Variants in STK4 observed in about 807,000 individuals in gnomAD.
STK4 encodes the protein serine/threonine-protein kinase 4.
A neutral mutation model predicts 64.9 loss-of-function variants in STK4; 30 were observed. The observed-to-expected ratio is 0.46, with a 90% CI of 0.35 to 0.63. STK4 has a LOEUF of 0.63. STK4 is among the 20% of genes least tolerant of loss of function. The pLI is 0.01. For synonymous variants in STK4, 177 were observed against 199.0 expected (o/e 0.89, Z 0.93); for missense variants, 466 against 598.5 (o/e 0.78, Z 2.31).
At chr20:45,005,014 G>A (rs1001123298) in intron 9 of STK4, among the ~76,000 whole-genome samples, 2 of 151,238 alleles carry the variant, frequency 1.3e-5, no homozygotes, top group Non-Finnish European at 3.0e-5. Flanking sequence ...CTCGTAATCC[G>A]CCCGCCTTGG....
intron 2 of STK4, chr20:44,972,655 A>C (rs1321105317): frequency 2.6e-5 from 4 of 152,488 alleles, no homozygotes; most frequent in Non-Finnish European, 5.9e-5. Context: ...ATGCGTTTAT[A>C]AAATACTGAT....
chr20:45,010,190 T>A (rs114849245), intron 9 of STK4, among the ~76,000 whole-genome samples: 6 of 152,216 alleles, frequency 3.9e-5, no homozygotes, highest in African/African-American at 1.4e-4. Context: ...TGTCTCAGCC[T>A]CCTGAGATTG....
intron 5 of STK4, among the ~76,000 whole-genome samples, chr20:44,994,303 T>C (rs994123858): frequency 4.0e-5 from 6 of 151,460 alleles, no homozygotes; most frequent in Non-Finnish European, 7.4e-5. Context: ...ACTCCAGATT[T>C]TTTGTGCTAT....
intron 9 of STK4, among the ~76,000 whole-genome samples, chr20:45,010,420 T>C (rs1481226479): frequency 6.6e-6 from 1 of 152,228 alleles, no homozygotes; most frequent in Non-Finnish European, 1.5e-5. Flanking sequence ...ATAGATGTTA[T>C]AACTGCTAAT....
At chr20:45,016,751 T>C (rs191868937) in intron 9 of STK4, among the ~76,000 whole-genome samples, 1 of 152,294 alleles carries the variant, frequency 6.6e-6, no homozygotes, top group Non-Finnish European at 1.5e-5. Context: ...ATAGTTATAT[T>C]GGTAAAAGGA....
intron 10 of STK4, among the ~76,000 whole-genome samples, chr20:45,033,893 G>A (rs900186298): frequency 1.2e-4 from 18 of 151,864 alleles, no homozygotes; most frequent in African/African-American, 3.9e-4. Context: ...GTTTGAAAGG[G>A]TTAAAAAAGA....
chr20:45,018,907 A>T (rs889599440), intron 9 of STK4, among the ~76,000 whole-genome samples: 49 of 151,862 alleles, frequency 3.2e-4, no homozygotes, highest in Non-Finnish European at 4.7e-4. Flanking sequence ...TAAAAAAAAA[A>T]TTTTTGTAGA....
At chr20:44,974,761 G>A (rs377526317) in intron 2 of STK4, 1 of 152,312 alleles carries the variant, frequency 6.6e-6, no homozygotes, top group South Asian at 2.1e-4. Context: ...GAGCCACCAC[G>A]CCTGGCCAAT....
Position 45,025,145 on chromosome 20 carries a change from A to G in STK4, c.1305+15A>G, listed in dbSNP as rs2068322704. On this transcript the variant is annotated intron_variant, in intron 10 of 10. Coordinates refer to ENST00000372806, the MANE Select transcript of STK4 (RefSeq NM_006282.5). ...ACTACGAGTTTGTAAGTAGTGTTGG[A>G]AGTAAATGGTTATGTCTTCAGGGGA... The G allele has an allele frequency of 6.3e-7, 1 of 1,598,982 alleles. No individual in the cohort carries two copies. Among genetic ancestry groups the G allele is most frequent in the Admixed American group, 1.7e-5 (1 of 57,184 alleles).
chr20:45,065,095 G>T lies in STK4; in HGVS notation c.1306-9923G>T, dbSNP rs115062274. ...GTTTGCTGTGGGTTTTTAGTAAATG[G>T]GTATTACTATTTTGAAGTAGTTTCT... On this transcript the variant is annotated intron_variant, in intron 10 of 10. Coordinates refer to ENST00000372806, the MANE Select transcript of STK4 (RefSeq NM_006282.5). 3.7e-3 allele frequency among the ~76,000 whole-genome samples: 556 copies of T among 151,768 alleles called. 3 individuals carry two copies. The highest frequency in any genetic ancestry group is 0.013 in the African/African-American group (525 of 41,432).
intron 7 of STK4, among the ~76,000 whole-genome samples, chr20:44,997,547 A>G (rs2067757444): frequency 6.6e-6 from 1 of 152,130 alleles, no homozygotes; most frequent in Admixed American, 6.5e-5. Flanking sequence ...AAAATTAGCC[A>G]GGTGTGGTGG....
chr20:45,031,265 G>A (rs2068437657), intron 10 of STK4, among the ~76,000 whole-genome samples: 1 of 152,062 alleles, frequency 6.6e-6, no homozygotes, highest in Admixed American at 6.6e-5. Flanking sequence ...AGTGAAGAGG[G>A]GAAGCAAGTC....
intron 10 of STK4, among the ~76,000 whole-genome samples, chr20:45,069,130 CATT>C (rs1346756671): frequency 1.3e-5 from 2 of 152,196 alleles, no homozygotes; most frequent in Non-Finnish European, 2.9e-5. Context: ...TCCCATAAGA[CATT>C]AGTACTGTCA....
At chr20:44,996,201 C>T (rs2067727107) in intron 6 of STK4, among the ~76,000 whole-genome samples, 1 of 152,000 alleles carries the variant, frequency 6.6e-6, no homozygotes, top group Non-Finnish European at 1.5e-5. Context: ...ACTCTCCAAC[C>T]CCTGTCTCCT....
chr20:45,052,658 C>T (rs2145440779), intron 10 of STK4, among the ~76,000 whole-genome samples: 1 of 152,056 alleles, frequency 6.6e-6, no homozygotes. Context: ...CATTTTTTTG[C>T]CTGTTGAGTG....
intron 1 of STK4, 111 bp downstream of exon 1, chr20:44,966,714 G>C (rs1007631589): frequency 1.1e-5 from 13 of 1,182,656 alleles, no homozygotes; most frequent in East Asian, 3.2e-5. Context: ...CGACCCAGCC[G>C]ATGGGGCACC....
chr20:44,975,133 G>C (rs2059507624), intron 2 of STK4: 1 of 153,494 alleles, frequency 6.5e-6, no homozygotes, highest in Admixed American at 6.5e-5. Context: ...CTCAGATACT[G>C]TGGTATTTCC....
intron 1 of STK4, 78 bp downstream of exon 1, chr20:44,966,681 G>A: frequency 8.0e-7 from 1 of 1,245,636 alleles, no homozygotes; most frequent in Non-Finnish European, 1.0e-6. Context: ...GGATACACCT[G>A]TGTGGGAGTC....
chr20:45,038,356 G>C (rs961697617), intron 10 of STK4, among the ~76,000 whole-genome samples: 5 of 151,780 alleles, frequency 3.3e-5, no homozygotes, highest in Non-Finnish European at 5.9e-5. Context: ...TACAAATTAG[G>C]AGTAATAAAT....
Sources: allele counts gnomAD v4.1 joint callset (sites outside exome capture counted in the v4.1 genomes callset), GRCh38; gene constraint gnomAD v4.1.1; transcripts MANE v1.5; gene names NCBI Gene and HGNC (gene_info 2026-07-23, HGNC 2026-07-21).